The following CDC14A variants were observed in gnomAD, a reference collection of about 807,000 sequenced individuals.
CDC14A encodes dual specificity protein phosphatase CDC14A.
CDC14A carries 53 observed loss-of-function variants against 74.4 expected under a neutral mutation model. The observed-to-expected ratio is 0.71, with a 90% CI of 0.57 to 0.89. CDC14A has a LOEUF of 0.89. Ranked by LOEUF, CDC14A falls within the 40% of genes least tolerant of loss-of-function variation. The probability of loss-of-function intolerance (pLI) is 0.00; values close to 1 mark genes in which losing one functional copy is unlikely to be tolerated. For missense variants in CDC14A, 646 were observed against 713.7 expected, an observed-to-expected ratio of 0.91 and a Z score of 1.08; for synonymous variants, 247 against 258.4, an observed-to-expected ratio of 0.96 and a Z score of 0.43.
At chr1:100,370,556 A>G (rs1242995822) in intron 2 of CDC14A, among the ~76,000 whole-genome samples, 1 of 152,124 alleles carries the variant, frequency 6.6e-6, no homozygotes, top group African/African-American at 2.4e-5. Context: ...AGCACCATTT[A>G]TTGAATAGGA....
At chr1:100,385,459 G>A (rs1009867506) in intron 3 of CDC14A, among the ~76,000 whole-genome samples, 3 of 152,214 alleles carry the variant, frequency 2.0e-5, no homozygotes, top group African/African-American at 7.2e-5. Context: ...ATAATATAAT[G>A]TGGTTTAGAG....
At chr1:100,446,131 G>A (rs1665516483) in intron 7 of CDC14A, among the ~76,000 whole-genome samples, 3 of 152,252 alleles carry the variant, frequency 2.0e-5, no homozygotes, top group South Asian at 2.1e-4. Context: ...TCCAGTGAAG[G>A]CAGTGTAGTT....
intron 4 of CDC14A, among the ~76,000 whole-genome samples, chr1:100,412,731 ATATATAT>A (rs1660976973): frequency 1.8e-5 from 2 of 110,800 alleles, no homozygotes; most frequent in Admixed American, 9.3e-5. Context: ...TATTTTATAT[ATATATAT>A]TTTATATATA....
Position 100,518,378 on chromosome 1 carries a change from A to C in CDC14A, c.*98A>C, listed in dbSNP as rs765013552. On this transcript the variant is annotated 3_prime_UTR_variant, in exon 16 of 16. Transcript: ENST00000336454. ...GAAAGCAACTTCTTGCTGGAAGAAT[A>C]TCTCTGCCTTCTTACCTTAAATTAA... The C allele has an allele frequency of 1.5e-5, 14 of 937,978 alleles. No individual in the cohort carries two copies. The highest frequency in any genetic ancestry group is 8.8e-5 in the Admixed American group (5 of 56,732). 58.1% of individuals were successfully genotyped at this position (937,978 alleles called of 1,614,324 possible).
rs34281009 is a variant in CDC14A at position 100,365,941 on chromosome 1, TACACACAC to T, written c.141-11576_141-11569del. Among the ~76,000 whole-genome samples, 310 of 142,498 alleles carry T rather than the reference TACACACAC, an allele frequency of 2.2e-3. 1 individual carries two copies. Among genetic ancestry groups the T allele is most frequent in the African/African-American group, 7.6e-3 (292 of 38,380 alleles). 93.5% of individuals were successfully genotyped at this position (142,498 alleles called of 152,430 possible). On this transcript the variant is annotated intron_variant, in intron 2 of 15. Coordinates refer to ENST00000336454, the MANE Select transcript of CDC14A (RefSeq NM_003672.4). ...TTGCTGATCAATTTCAACAAAATTT[TACACACAC>T]ACACACACACACACACACACACACA...
At chr1:100,456,290 T>A (rs72730157) in intron 8 of CDC14A, among the ~76,000 whole-genome samples, 7 of 152,356 alleles carry the variant, frequency 4.6e-5, no homozygotes, top group Non-Finnish European at 1.0e-4. Context: ...AGTTTTCCCA[T>A]TAAGACTTAT....
chr1:100,440,672 C>T (rs1415657607), intron 6 of CDC14A, among the ~76,000 whole-genome samples: 8 of 152,102 alleles, frequency 5.3e-5, no homozygotes, highest in African/African-American at 1.7e-4. Flanking sequence ...GTACATATTA[C>T]ATAACCTATT....
intron 10 of CDC14A, among the ~76,000 whole-genome samples, chr1:100,482,542 T>C (rs1402138273): frequency 6.6e-6 from 1 of 152,156 alleles, no homozygotes; most frequent in Non-Finnish European, 1.5e-5. Flanking sequence ...CCTCTTTTCC[T>C]GAGGTCCTGT....
chr1:100,457,342 A>G (rs1386960701), intron 8 of CDC14A, among the ~76,000 whole-genome samples: 1 of 152,224 alleles, frequency 6.6e-6, no homozygotes, highest in African/African-American at 2.4e-5. Context: ...TTCACTTAAC[A>G]TATCACGACT....
intron 2 of CDC14A, among the ~76,000 whole-genome samples, chr1:100,366,164 C>T (rs28361196): frequency 0.12 from 18,797 of 152,170 alleles, 1,376 homozygotes; most frequent in Non-Finnish European, 0.16. Context: ...GCTGGTAAAA[C>T]ATTGAAAGGT....
chr1:100,502,669 T>C (rs531932018), intron 15 of CDC14A, among the ~76,000 whole-genome samples: 12 of 152,262 alleles, frequency 7.9e-5, no homozygotes, highest in Non-Finnish European at 1.8e-4. Context: ...CATTGGTAGC[T>C]TGACAAGAAT....
intron 2 of CDC14A, chr1:100,363,181 A>G (rs1277597857): frequency 6.6e-6 from 1 of 152,230 alleles, no homozygotes; most frequent in Non-Finnish European, 1.5e-5. Context: ...TGTGGCTGGC[A>G]AAAAGAGAAG....
rs370706698 is a variant in CDC14A at position 100,357,395 on chromosome 1, G to A, written c.140+3543G>A. Among the ~76,000 whole-genome samples the A allele has an allele frequency of 7.0e-4, 106 of 152,214 alleles. 1 individual carries two copies. Among genetic ancestry groups the A allele is most frequent in the African/African-American group, 2.6e-3 (106 of 41,538 alleles). Reference sequence around the variant, plus strand: ...AAGGGAGAAGGACTGACTCCATCTCGTCAGCTCCACTTTGGGGAAGTATAG... The same window carrying A: ...AAGGGAGAAGGACTGACTCCATCTCATCAGCTCCACTTTGGGGAAGTATAG... On this transcript the variant is annotated intron_variant, in intron 2 of 15. Coordinates refer to ENST00000336454, the MANE Select transcript of CDC14A (RefSeq NM_003672.4).
chr1:100,462,769 C>T lies in CDC14A; in HGVS notation c.726C>T (p.Phe242=), dbSNP rs751202258. The T allele has an allele frequency of 2.8e-5, 45 of 1,614,070 alleles. No homozygotes were observed. The East Asian group carries it at 3.8e-4, about 14-fold the overall frequency. ...CAAAGCGCTTCACAGACGCTGGCTTCGAGCACTATGACCTCTTCTTCATAG... is the reference window on the plus strand; with the variant it reads ...CAAAGCGCTTCACAGACGCTGGCTTTGAGCACTATGACCTCTTCTTCATAG... The part of the protein sequence containing the change: ...YEAKRFTDAG[F]EHYDLFFIDG... The change falls in exon 9 of 16, where the codon TTC becomes TTT. Residue 242 remains phenylalanine (F), a synonymous_variant. Transcript: ENST00000336454.
Position 100,371,911 on chromosome 1 carries a change from C to CTA in CDC14A, c.141-5635_141-5634insTA, listed in dbSNP as rs577178969. Among the ~76,000 whole-genome samples the CTA allele has an allele frequency of 2.0e-5, 3 of 152,238 alleles. No individual in the cohort carries two copies. In the South Asian group the frequency reaches 6.2e-4, roughly 32 times the overall value. ...AATCTCTTATTTAGAAAAAAGGTTA[C>CTA]CTTAATCAATACTGGTAGATGCATA... On this transcript the variant is annotated intron_variant, in intron 2 of 15. Coordinates refer to ENST00000336454, the MANE Select transcript of CDC14A (RefSeq NM_003672.4).
chr1:100,390,385 G>T (rs1056394968), intron 3 of CDC14A, among the ~76,000 whole-genome samples: 3 of 152,076 alleles, frequency 2.0e-5, no homozygotes, highest in Admixed American at 2.0e-4. Context: ...TGGCATGTAG[G>T]GGGTAACAAA....
chr1:100,393,165 A>G, intron 4 of CDC14A: 2 of 1,571,830 alleles, frequency 1.3e-6, no homozygotes, highest in East Asian at 2.2e-5. Flanking sequence ...ATTTGACTCC[A>G]TTTCTCTCAA....
chr1:100,418,007 T>A (rs890556567), intron 4 of CDC14A, among the ~76,000 whole-genome samples: 14 of 152,144 alleles, frequency 9.2e-5, no homozygotes, highest in African/African-American at 3.4e-4. Flanking sequence ...CCCATCAGGA[T>A]GTGCTTATGA....
chr1:100,348,281 CAAAAAAAAA>C (rs59269474), upstream of CDC14A, among the ~76,000 whole-genome samples: 1 of 87,198 alleles, frequency 1.1e-5, no homozygotes, highest in Non-Finnish European at 2.5e-5. Context: ...GACTCCATTT[CAAAAAAAAA>C]AAAAAAAAAA....
Sources: gnomAD v4.1 joint callset for allele counts (sites outside exome capture counted in the v4.1 genomes callset) on GRCh38, gnomAD v4.1.1 for gene constraint, MANE v1.5 for transcripts, NCBI Gene and HGNC (gene_info 2026-07-23, HGNC 2026-07-21) for gene names.